The following TCF4 variants were observed in gnomAD, a reference collection of about 807,000 sequenced individuals.
TCF4 encodes the protein SL3-3 enhancer factor 2.
In TCF4, 3 loss-of-function variants were observed where a neutral mutation model predicts 82.1. That is an observed-to-expected ratio of 0.04 (90% CI 0.02 to 0.09). The LOEUF (loss-of-function observed/expected upper bound fraction) is 0.09. Among genes scored for constraint, TCF4 ranks in the 10% least tolerant of loss-of-function variants. The pLI is 1.00. For missense variants in TCF4, 518 were observed against 852.7 expected (o/e 0.61, Z 4.89); for synonymous variants, 276 against 309.6 (o/e 0.89, Z 1.14).
chr18:55,429,678 G>A (rs544970193), intron 5 of TCF4, among the ~76,000 whole-genome samples: 17 of 142,504 alleles, frequency 1.2e-4, no homozygotes, highest in Non-Finnish European at 2.1e-4. Flanking sequence ...GGAGAATGGC[G>A]TGAACCCGGG....
intron 5 of TCF4, among the ~76,000 whole-genome samples, chr18:55,426,449 C>A (rs1174278138): frequency 6.6e-6 from 1 of 152,176 alleles, no homozygotes; most frequent in Non-Finnish European, 1.5e-5. Context: ...GGCAAGCACA[C>A]CCTCTAGGCT....
chr18:55,612,992 T>C (rs1425022442), intron 2 of TCF4, among the ~76,000 whole-genome samples: 1 of 152,064 alleles, frequency 6.6e-6, no homozygotes, highest in East Asian at 1.9e-4. Flanking sequence ...TAGGTTTCAA[T>C]GTCACCATCA....
chr18:55,290,270 T>G (rs955253338), intron 8 of TCF4, among the ~76,000 whole-genome samples: 3 of 152,178 alleles, frequency 2.0e-5, no homozygotes, highest in Non-Finnish European at 4.4e-5. Flanking sequence ...CAAATAACTT[T>G]AGATGCGATT....
intron 3 of TCF4, among the ~76,000 whole-genome samples, chr18:55,499,332 A>G (rs2096672048): frequency 6.6e-6 from 1 of 152,208 alleles, no homozygotes; most frequent in Non-Finnish European, 1.5e-5. Context: ...ACAACGTGAG[A>G]GCCTAGCATT....
At chr18:55,550,620 T>C (rs1163964030) in intron 3 of TCF4, 3 of 152,202 alleles carry the variant, frequency 2.0e-5, no homozygotes, top group African/African-American at 7.2e-5. Context: ...ATATAAATAA[T>C]GAAAATTAAA....
chr18:55,450,203 C>T (rs2095598444), intron 5 of TCF4, among the ~76,000 whole-genome samples: 1 of 152,180 alleles, frequency 6.6e-6, no homozygotes. Flanking sequence ...CCACTTCCCC[C>T]ATGTTAGTTC....
At chr18:55,525,746 G>A (rs1312658732) in intron 3 of TCF4, among the ~76,000 whole-genome samples, 1 of 151,754 alleles carries the variant, frequency 6.6e-6, no homozygotes, top group African/African-American at 2.4e-5. Flanking sequence ...AGCAAATGAC[G>A]CCGATTTACA....
At chr18:55,508,650 G>C (rs1051661821) in intron 3 of TCF4, among the ~76,000 whole-genome samples, 1 of 152,184 alleles carries the variant, frequency 6.6e-6, no homozygotes, top group East Asian at 1.9e-4. Context: ...AAGTGGTCGA[G>C]CTGAGATTTA....
At chr18:55,460,659 A>G (rs1252180184) in intron 5 of TCF4, among the ~76,000 whole-genome samples, 1 of 152,194 alleles carries the variant, frequency 6.6e-6, no homozygotes, top group Non-Finnish European at 1.5e-5. Flanking sequence ...CCAACCAACA[A>G]GCCCAGTGAT....
At chr18:55,463,607 C>T (rs1449767317) in intron 4 of TCF4, among the ~76,000 whole-genome samples, 1 of 152,048 alleles carries the variant, frequency 6.6e-6, no homozygotes, top group Non-Finnish European at 1.5e-5. Context: ...AGATTCAGTA[C>T]GTAGATTATA....
At chr18:55,321,826 T>G in intron 8 of TCF4, 1 of 1,499,658 alleles carries the variant, frequency 6.7e-7, no homozygotes, top group African/African-American at 1.4e-5. Context: ...ATTCCTTCAG[T>G]TGCATTTTCC....
At chr18:55,499,292 TACTC>T (rs149970969) in intron 3 of TCF4, among the ~76,000 whole-genome samples, 9 of 152,300 alleles carry the variant, frequency 5.9e-5, no homozygotes, top group Non-Finnish European at 1.2e-4. Flanking sequence ...ACAGATGTGA[TACTC>T]AGGTAGGAAG....
intron 16 of TCF4, chr18:55,234,331 A>AGGAT: frequency 1.5e-6 from 1 of 645,776 alleles, no homozygotes; most frequent in East Asian, 2.7e-5. Context: ...ATATAGGACC[A>AGGAT]GGATTTCAGA....
intron 3 of TCF4, among the ~76,000 whole-genome samples, chr18:55,584,108 A>G (rs896756926): frequency 2.6e-5 from 4 of 152,174 alleles, no homozygotes; most frequent in African/African-American, 4.8e-5. Flanking sequence ...AGGCAATAGA[A>G]GGAGAAGGAA....
At chr18:55,621,020 C>A (rs1006796762) in intron 2 of TCF4, among the ~76,000 whole-genome samples, 1 of 152,020 alleles carries the variant, frequency 6.6e-6, no homozygotes, top group African/African-American at 2.4e-5. Flanking sequence ...CTATTGTGAT[C>A]TGGTAGTAAT....
intron 15 of TCF4, among the ~76,000 whole-genome samples, chr18:55,241,933 A>T (rs1040110813): frequency 6.6e-6 from 1 of 151,992 alleles, no homozygotes; most frequent in East Asian, 1.9e-4. Flanking sequence ...CTTCACCTAG[A>T]CTCCCAGGAC....
chr18:55,351,679 A>G (rs1399334415), intron 6 of TCF4: 1 of 254,850 alleles, frequency 3.9e-6, no homozygotes, highest in Non-Finnish European at 6.2e-6. Context: ...TTACCTGAAC[A>G]CTAGAAAACT....
At position 55,557,542 on chromosome 18, in the gene TCF4, A is replaced by T. The variant is rs186680717; in HGVS notation, c.145+27738T>A. Among the ~76,000 whole-genome samples the T allele has an allele frequency of 9.2e-5, 14 of 152,346 alleles. No homozygotes were observed. The East Asian group carries it at 1.9e-3, about 21-fold the overall frequency. ...GAAAACAATCCAAAAGACAATTAAA[A>T]TGTAACTTATATCAAGGAGGAAAAT... On this transcript the variant is annotated intron_variant, in intron 3 of 19. Coordinates refer to ENST00000354452, the MANE Select transcript of TCF4 (RefSeq NM_001083962.2).
intron 2 of TCF4, among the ~76,000 whole-genome samples, chr18:55,607,097 A>G (rs1168562371): frequency 6.6e-6 from 1 of 152,112 alleles, no homozygotes; most frequent in African/African-American, 2.4e-5. Context: ...TCATCTCTTC[A>G]TTGTTGGGGG....
Sources: gnomAD v4.1 joint callset for allele counts (sites outside exome capture counted in the v4.1 genomes callset) on GRCh38, gnomAD v4.1.1 for gene constraint, MANE v1.5 for transcripts, NCBI Gene and HGNC (gene_info 2026-07-23, HGNC 2026-07-21) for gene names.